The following UBE3D variants were observed in gnomAD, a reference collection of about 807,000 sequenced individuals.
UBE3D encodes E3 ubiquitin-protein ligase E3D.
UBE3D carries 48 observed loss-of-function variants against 49.6 expected under a neutral mutation model. The observed-to-expected ratio is 0.97, with a 90% confidence interval of 0.77 to 1.23. The LOEUF (loss-of-function observed/expected upper bound fraction) is 1.23, where lower values mean the gene tolerates loss of function less well. Among genes scored for constraint, UBE3D ranks in the 50% most tolerant of loss-of-function variants. The pLI, the probability that UBE3D is intolerant of heterozygous loss-of-function variation, is 0.00. For missense variants in UBE3D, 452 were observed against 468.4 expected (o/e 0.96, Z 0.32); for synonymous variants, 189 against 174.2 (o/e 1.08, Z -0.67).
chr6:82,920,386 T>G, intron 9 of UBE3D, among the ~76,000 whole-genome samples: 1 of 152,248 alleles, frequency 6.6e-6, no homozygotes, highest in East Asian at 1.9e-4. Context: ...ATATATCTTT[T>G]TAATATGATA....
intron 9 of UBE3D, among the ~76,000 whole-genome samples, chr6:82,955,073 A>T (rs1280247946): frequency 6.6e-6 from 1 of 152,192 alleles, no homozygotes; most frequent in Non-Finnish European, 1.5e-5. Flanking sequence ...CCGCTCTAAG[A>T]GCTCCTCTAA....
chr6:82,889,439 A>T (rs574557299), downstream of UBE3D, among the ~76,000 whole-genome samples: 4 of 152,128 alleles, frequency 2.6e-5, no homozygotes, highest in Admixed American at 6.6e-5. Flanking sequence ...GGAATCAAAC[A>T]CGCTTTGCTA....
chr6:82,928,384 T>C (rs1773911940), intron 9 of UBE3D, among the ~76,000 whole-genome samples: 1 of 152,140 alleles, frequency 6.6e-6, no homozygotes, highest in Non-Finnish European at 1.5e-5. Context: ...AGCACAGGAA[T>C]AGGCAATAAT....
intron 5 of UBE3D, among the ~76,000 whole-genome samples, chr6:83,033,729 T>A (rs1218781184): frequency 6.6e-6 from 1 of 152,216 alleles, no homozygotes; most frequent in East Asian, 1.9e-4. Context: ...TAGGCTGCAG[T>A]ACCATACGCC....
chr6:82,965,540 G>A (rs1052496543), intron 8 of UBE3D, among the ~76,000 whole-genome samples: 16 of 136,932 alleles, frequency 1.2e-4, no homozygotes, highest in Non-Finnish European at 1.2e-4. Context: ...CCGAGATACC[G>A]CCATTGTCCT....
At chr6:82,905,842 T>C (rs1441731809) in intron 9 of UBE3D, among the ~76,000 whole-genome samples, 1 of 152,138 alleles carries the variant, frequency 6.6e-6, no homozygotes, top group Non-Finnish European at 1.5e-5. Context: ...TTATAAAAAA[T>C]TTCAAATGTT....
At chr6:82,991,353 C>G (rs527639603) in intron 8 of UBE3D, among the ~76,000 whole-genome samples, 1 of 152,086 alleles carries the variant, frequency 6.6e-6, no homozygotes, top group African/African-American at 2.4e-5. Context: ...TCAATGATAC[C>G]AAGAAGGTGG....
chr6:82,939,372 C>G (rs532632772), intron 9 of UBE3D, among the ~76,000 whole-genome samples: 1 of 152,300 alleles, frequency 6.6e-6, no homozygotes, highest in East Asian at 1.9e-4. Context: ...AAAACCCATA[C>G]CACATCGTCT....
At chr6:83,050,391 C>T (rs972416740) in intron 3 of UBE3D, among the ~76,000 whole-genome samples, 3 of 152,130 alleles carry the variant, frequency 2.0e-5, no homozygotes, top group Non-Finnish European at 2.9e-5. Context: ...TCTAATCCAA[C>T]GTCCTCATTT....
At chr6:82,897,804 T>C (rs1771439078) in intron 9 of UBE3D, among the ~76,000 whole-genome samples, 1 of 152,214 alleles carries the variant, frequency 6.6e-6, no homozygotes, top group African/African-American at 2.4e-5. Context: ...ATTGCGACCA[T>C]GTTGAGGATA....
At chr6:83,056,250 T>C (rs1365374324) in intron 2 of UBE3D, among the ~76,000 whole-genome samples, 1 of 152,182 alleles carries the variant, frequency 6.6e-6, no homozygotes, top group Non-Finnish European at 1.5e-5. Context: ...GTGGTCTCTA[T>C]TCCTCCATCT....
At chr6:83,041,020 C>T (rs1438889695) in intron 4 of UBE3D, among the ~76,000 whole-genome samples, 1 of 152,178 alleles carries the variant, frequency 6.6e-6, no homozygotes, top group African/African-American at 2.4e-5. Flanking sequence ...ACCTGCATGG[C>T]TCCAAGTTGA....
At chr6:82,922,665 G>GCACAGGTAAAAACTT (rs60954851) in intron 9 of UBE3D, among the ~76,000 whole-genome samples, 2 of 150,666 alleles carry the variant, frequency 1.3e-5, no homozygotes, top group African/African-American at 4.9e-5. Context: ...CAGGACATAG[G>GCACAGGTAAAAACTT]CATGTCTAAA....
At chr6:82,976,588 G>A (rs1028768190) in intron 8 of UBE3D, among the ~76,000 whole-genome samples, 7 of 151,970 alleles carry the variant, frequency 4.6e-5, no homozygotes, top group African/African-American at 7.2e-5. Flanking sequence ...TTCTGCCACC[G>A]TCACCTTCTT....
chr6:83,035,227 T>C (rs1782164310), intron 5 of UBE3D, among the ~76,000 whole-genome samples: 1 of 152,074 alleles, frequency 6.6e-6, no homozygotes, highest in African/African-American at 2.4e-5. Flanking sequence ...TCCCATTTGC[T>C]TCAATCTAGG....
At chr6:82,884,987 A>G in the UBE3D span, among the ~76,000 whole-genome samples, 7 of 152,188 alleles carry the variant, frequency 4.6e-5, no homozygotes, top group African/African-American at 1.7e-4. Context: ...TTTTTGCAAA[A>G]GCTTTTCTGC....
downstream of UBE3D, among the ~76,000 whole-genome samples, chr6:82,889,574 A>G (rs13210677): frequency 0.1 from 15,283 of 152,030 alleles, 1,072 homozygotes; most frequent in Middle Eastern, 0.15. Context: ...TTAACCATAT[A>G]TGGTACTATA....
At chr6:82,940,964 G>A (rs796911333) in intron 9 of UBE3D, among the ~76,000 whole-genome samples, 36 of 152,292 alleles carry the variant, frequency 2.4e-4, no homozygotes, top group African/African-American at 8.4e-4. Flanking sequence ...TGTAATCGCA[G>A]CAATTTGGGA....
chr6:83,023,402 G>C (rs1304731922), intron 6 of UBE3D, among the ~76,000 whole-genome samples: 6 of 152,170 alleles, frequency 3.9e-5, no homozygotes, highest in Non-Finnish European at 5.9e-5. Context: ...ACTTTTATAT[G>C]TGTGGTTTGG....
Sources: allele counts gnomAD v4.1 joint callset (sites outside exome capture counted in the v4.1 genomes callset), GRCh38; gene constraint gnomAD v4.1.1; transcripts MANE v1.5; gene names NCBI Gene and HGNC (gene_info 2026-07-23, HGNC 2026-07-21).